KHDRBS2: variants seen among roughly 807,000 people sequenced by gnomAD.
The protein encoded by KHDRBS2 is KH domain-containing, RNA-binding, signal transduction-associated protein 2.
A neutral mutation model predicts 44.3 loss-of-function variants in KHDRBS2; 26 were observed. The ratio of observed to expected loss-of-function variants is 0.59; its 90% CI spans 0.43 to 0.81. KHDRBS2 has a LOEUF of 0.81. Among genes scored for constraint, KHDRBS2 ranks in the 40% least tolerant of loss-of-function variants. The pLI is 0.00. For missense variants in KHDRBS2, 476 were observed against 433.1 expected, an observed-to-expected ratio of 1.10 and a Z score of -0.88; for synonymous variants, 194 against 151.1, an observed-to-expected ratio of 1.28 and a Z score of -2.08.
chr6:62,225,299 A>G (rs1831581061), intron 1 of KHDRBS2, among the ~76,000 whole-genome samples: 1 of 152,194 alleles, frequency 6.6e-6, no homozygotes, highest in Non-Finnish European at 1.5e-5. Flanking sequence ...TCTAGATTAG[A>G]TGAAGAGTAT....
chr6:62,273,085 A>G (rs1840342055), intron 1 of KHDRBS2, among the ~76,000 whole-genome samples: 1 of 152,180 alleles, frequency 6.6e-6, no homozygotes, highest in Non-Finnish European at 1.5e-5. Flanking sequence ...TAATGGACTT[A>G]GGGAGTCTAG....
At chr6:61,716,877 G>A (rs566416774) in intron 7 of KHDRBS2, among the ~76,000 whole-genome samples, 1 of 152,102 alleles carries the variant, frequency 6.6e-6, no homozygotes, top group African/African-American at 2.4e-5. Context: ...ATGATCTAAT[G>A]CTTCCTATTT....
intron 6 of KHDRBS2, among the ~76,000 whole-genome samples, chr6:61,845,309 G>GTTT (rs35774578): frequency 1.4e-4 from 17 of 125,806 alleles, no homozygotes; most frequent in South Asian, 5.1e-4. Flanking sequence ...ACAGTTCCTT[G>GTTT]TTTTTTTTTT....
intron 6 of KHDRBS2, among the ~76,000 whole-genome samples, chr6:61,876,927 G>A (rs1428604238): frequency 2.0e-5 from 3 of 152,020 alleles, no homozygotes; most frequent in Non-Finnish European, 4.4e-5. Context: ...TATCTGTCAT[G>A]AGACCCAAAT....
chr6:61,720,096 A>G (rs887241211), intron 7 of KHDRBS2, among the ~76,000 whole-genome samples: 2 of 152,178 alleles, frequency 1.3e-5, no homozygotes, highest in South Asian at 2.1e-4. Flanking sequence ...TGTCCCTACA[A>G]AGGACATGAA....
intron 4 of KHDRBS2, among the ~76,000 whole-genome samples, chr6:61,958,191 T>C (rs373202039): frequency 9.9e-5 from 15 of 152,246 alleles, no homozygotes; most frequent in African/African-American, 3.4e-4. Context: ...CACAGAACAA[T>C]ATCCCTTCTA....
intron 6 of KHDRBS2, among the ~76,000 whole-genome samples, chr6:61,826,126 C>A (rs774304838): frequency 4.6e-5 from 7 of 152,042 alleles, no homozygotes; most frequent in Non-Finnish European, 8.8e-5. Context: ...AGTCCTTGGA[C>A]CTGGTCTTCA....
At chr6:61,950,276 G>T (rs898038781) in intron 4 of KHDRBS2, among the ~76,000 whole-genome samples, 1 of 152,056 alleles carries the variant, frequency 6.6e-6, no homozygotes, top group African/African-American at 2.4e-5. Context: ...TGCTGATGCT[G>T]AAAATTCAAT....
At chr6:62,103,279 T>C (rs1051523045) in intron 2 of KHDRBS2, among the ~76,000 whole-genome samples, 5 of 152,002 alleles carry the variant, frequency 3.3e-5, no homozygotes. Context: ...GAGATCAACA[T>C]GTAGTCTGCT....
intron 1 of KHDRBS2, among the ~76,000 whole-genome samples, chr6:62,185,577 A>G (rs1823250763): frequency 6.6e-6 from 1 of 152,002 alleles, no homozygotes. Context: ...AAGTATCTTC[A>G]CAAGTAATTA....
intron 1 of KHDRBS2, among the ~76,000 whole-genome samples, chr6:62,246,744 C>T (rs1031059810): frequency 2.0e-5 from 3 of 151,702 alleles, no homozygotes; most frequent in Non-Finnish European, 4.4e-5. Context: ...GATATTTTTT[C>T]CTAATTTGGT....
chr6:62,275,447 C>T (rs1284226393), intron 1 of KHDRBS2, among the ~76,000 whole-genome samples: 2 of 152,132 alleles, frequency 1.3e-5, no homozygotes, highest in Non-Finnish European at 2.9e-5. Flanking sequence ...TTTACACTTA[C>T]TAATGTCTTT....
intron 6 of KHDRBS2, among the ~76,000 whole-genome samples, chr6:61,802,599 CA>C (rs1435245311): frequency 2.0e-5 from 3 of 152,246 alleles, no homozygotes; most frequent in Admixed American, 6.5e-5. Flanking sequence ...TAGTTTCAAA[CA>C]GAGACACAGA....
chr6:62,146,018 G>C (rs1813858945), intron 2 of KHDRBS2, among the ~76,000 whole-genome samples: 1 of 151,672 alleles, frequency 6.6e-6, no homozygotes, highest in Non-Finnish European at 1.5e-5. Flanking sequence ...CCTACTCATA[G>C]GTCAGCTAAG....
At chr6:61,580,363 GGACCAATCGGCACTCTGTAAAATA>G in the KHDRBS2 span, among the ~76,000 whole-genome samples, 3 of 152,076 alleles carry the variant, frequency 2.0e-5, no homozygotes, top group Admixed American at 6.6e-5. Context: ...TCTGTAAAAT[GGACCAATCGGCACTCTGTAAAATA>G]GACCAATCAG....
the KHDRBS2 span, among the ~76,000 whole-genome samples, chr6:61,549,332 C>A: frequency 4.6e-5 from 7 of 152,282 alleles, no homozygotes; most frequent in South Asian, 1.4e-3. Context: ...GACTCCTTCA[C>A]AGTCTTAAAA....
At chr6:62,264,366 C>T (rs1274953779) in intron 1 of KHDRBS2, among the ~76,000 whole-genome samples, 1 of 151,760 alleles carries the variant, frequency 6.6e-6, no homozygotes, top group East Asian at 1.9e-4. Context: ...ATCAAAAACT[C>T]TAAGACCAAA....
downstream of KHDRBS2, among the ~76,000 whole-genome samples, chr6:61,679,571 A>T (rs1355493217): frequency 6.6e-6 from 1 of 151,938 alleles, no homozygotes; most frequent in African/African-American, 2.4e-5. Flanking sequence ...ATCAAGTCTG[A>T]TAGTCTCAAA....
intron 4 of KHDRBS2, among the ~76,000 whole-genome samples, chr6:61,902,636 A>G (rs1346929334): frequency 2.6e-5 from 4 of 152,126 alleles, no homozygotes; most frequent in Admixed American, 1.3e-4. Context: ...AGTGAAATCA[A>G]TCTAGTGGCT....
Sources: gnomAD v4.1 joint callset for allele counts (sites outside exome capture counted in the v4.1 genomes callset) on GRCh38, gnomAD v4.1.1 for gene constraint, MANE v1.5 for transcripts, NCBI Gene and HGNC (gene_info 2026-07-23, HGNC 2026-07-21) for gene names.